FAT1: variants seen among roughly 807,000 people sequenced by gnomAD.
The protein encoded by FAT1 is protocadherin Fat 1.
FAT1 carries 171 observed loss-of-function variants against 329.8 expected under a neutral mutation model. The observed-to-expected ratio is 0.52, with a 90% CI of 0.46 to 0.59. The LOEUF is 0.59. FAT1 is among the 20% of genes least tolerant of loss of function. FAT1 has a pLI of 0.00. For synonymous variants in FAT1, 2,233 were observed against 2,228.6 expected (o/e 1.00, Z -0.06); for missense variants, 5,672 against 5,774.4 (o/e 0.98, Z 0.57).
At chr4:186,698,035 T>A (rs1244097112) in intron 2 of FAT1, among the ~76,000 whole-genome samples, 1 of 152,198 alleles carries the variant, frequency 6.6e-6, no homozygotes, top group Non-Finnish European at 1.5e-5. Flanking sequence ...AGCCTACAAA[T>A]AGGCGTCCAG....
Position 186,603,238 on chromosome 4 carries a change from CTG to C in FAT1, c.11286_11287del (p.His3762GlnfsTer33). ...AGTCACAAAACTCAGTCTGGCTGTGCTGTGTGTTGACATCACACTTTCATCCA... is the reference window on the plus strand; with the variant it reads ...AGTCACAAAACTCAGTCTGGCTGTGCTGTGTTGACATCACACTTTCATCCA... On this transcript the variant is annotated frameshift_variant, in exon 19 of 27. Coordinates refer to ENST00000441802, the MANE Select transcript of FAT1 (RefSeq NM_005245.4). LOFTEE classifies it high-confidence loss of function. 3 of 1,613,806 alleles carry C rather than the reference CTG, an allele frequency of 1.9e-6. No individual in the cohort carries two copies. The highest frequency in any genetic ancestry group is 2.5e-6 in the Non-Finnish European group (3 of 1,179,812).
intron 12 of FAT1, among the ~76,000 whole-genome samples, chr4:186,613,921 G>T (rs1367287986): frequency 6.7e-6 from 1 of 150,322 alleles, no homozygotes; most frequent in Admixed American, 6.6e-5. Context: ...TCTGAGGGTT[G>T]TTTTTTTTAA....
intron 3 of FAT1, among the ~76,000 whole-genome samples, chr4:186,648,007 T>C (rs114666597): frequency 2.4e-3 from 359 of 152,242 alleles, no homozygotes; most frequent in African/African-American, 8.1e-3. Flanking sequence ...TGGGTAACTT[T>C]TAGACAAGGA....
At chr4:186,703,940 T>C (rs1352737313) in intron 2 of FAT1, among the ~76,000 whole-genome samples, 1 of 152,276 alleles carries the variant, frequency 6.6e-6, no homozygotes, top group Non-Finnish European at 1.5e-5. Context: ...GTTTCTACAC[T>C]GTGATACCAA....
upstream of FAT1, among the ~76,000 whole-genome samples, chr4:186,724,848 A>G (rs1745662446): frequency 6.6e-6 from 1 of 152,200 alleles, no homozygotes; most frequent in Non-Finnish European, 1.5e-5. This position sits in a 1 kb window ranked among gnomAD's most constrained non-coding sequence, Gnocchi z 5.3. Flanking sequence ...CTGGGAAGAC[A>G]AAGAGATCCG....
At chr4:186,604,916 G>A (rs1435044816) in intron 17 of FAT1, among the ~76,000 whole-genome samples, 1 of 151,738 alleles carries the variant, frequency 6.6e-6, no homozygotes, top group Non-Finnish European at 1.5e-5. Context: ...AAGAGGACTG[G>A]AGGAGAAAAG....
rs765020187 is a variant in FAT1 at position 186,617,059 on chromosome 4, C to T, written c.9021G>A (p.Ala3007=). Residue 3007 remains alanine (A), a synonymous_variant, in exon 11 of 27, where the codon GCG becomes GCA. Coordinates refer to ENST00000441802, the MANE Select transcript of FAT1 (RefSeq NM_005245.4). The stretch of plus-strand genomic sequence containing the variant: ...CATCCAGAACTTTCACTTCAACTAT[C>T]GCTTTTGATGAGAAGGTGCCATCAG... ...TATDGTFSSK[A]IVEVKVLDAN... is the part of the protein sequence containing the mutation. 20 of 1,613,862 alleles carry T rather than the reference C, an allele frequency of 1.2e-5. No individual in the cohort carries two copies. Among genetic ancestry groups the T allele is most frequent in the African/African-American group, 8.0e-5 (6 of 74,930 alleles).
chr4:186,648,653 G>A (rs781616273), intron 3 of FAT1, among the ~76,000 whole-genome samples: 6 of 152,184 alleles, frequency 3.9e-5, no homozygotes, highest in African/African-American at 1.4e-4. Flanking sequence ...CTGAAGGTCT[G>A]AGTCAGCAGG....
intron 2 of FAT1, among the ~76,000 whole-genome samples, chr4:186,684,350 G>A (rs1743365847): frequency 6.6e-6 from 1 of 152,176 alleles, no homozygotes; most frequent in Non-Finnish European, 1.5e-5. Context: ...CTTCCGTGCT[G>A]GACCCTGGGA....
In FAT1 at chr4:186,596,402, G is replaced by C; in HGVS notation, c.13000+138C>G. 1.0e-6 allele frequency: 1 copy of C among 963,736 alleles called. No individual in the cohort carries two copies. The allele number at this position is 963,736 out of a possible 1,614,324, so 59.7% of individuals were successfully genotyped here. A position where few individuals can be genotyped will look rare whatever the true frequency, so the allele number is the denominator to read the frequency against. ...CCCAGCAATCGGGACATCCAAAAAA[G>C]TTTCAAATCATCATACGGATTTCAG... On this transcript the variant is annotated intron_variant, in intron 25 of 26. Coordinates refer to ENST00000441802, the MANE Select transcript of FAT1 (RefSeq NM_005245.4). The surrounding 1 kb of genome is among the most constrained non-coding windows in gnomAD (Gnocchi z 4.7).
At chr4:186,685,489 G>C (rs866409157) in intron 2 of FAT1, among the ~76,000 whole-genome samples, 3 of 152,166 alleles carry the variant, frequency 2.0e-5, no homozygotes, top group African/African-American at 7.2e-5. Context: ...GTGGCCTGGG[G>C]TTGCTTTAGT....
In FAT1 at chr4:186,600,115, C is replaced by T. The variant is rs1738725748; in HGVS notation, c.11886G>A (p.Arg3962=). The T allele has an allele frequency of 3.1e-6, 5 of 1,614,062 alleles. No individual in the cohort carries two copies. The highest frequency in any genetic ancestry group is 4.2e-6 in the Non-Finnish European group (5 of 1,179,902). Reference sequence around the variant, plus strand: ...TACCAACTTGAGGACTTCTTCCATGCCTTGTTCCCTGCTGACGGATGTGGC... The same window carrying T: ...TACCAACTTGAGGACTTCTTCCATGTCTTGTTCCCTGCTGACGGATGTGGC... ...FGGHIRQQGT[R]HGRSPQVGNG... Residue 3962 remains arginine (R), a synonymous_variant, in exon 22 of 27, where the codon AGG becomes AGA. Coordinates refer to ENST00000441802, the MANE Select transcript of FAT1 (RefSeq NM_005245.4).
chr4:186,629,589 C>T (rs952336756), intron 7 of FAT1, among the ~76,000 whole-genome samples: 4 of 152,134 alleles, frequency 2.6e-5, no homozygotes, highest in African/African-American at 4.8e-5. Context: ...AAGAAAACTG[C>T]GCTTCGTGGG....
intron 9 of FAT1, among the ~76,000 whole-genome samples, chr4:186,627,047 G>A (rs1740343820): frequency 2.1e-5 from 2 of 94,966 alleles, no homozygotes; most frequent in Admixed American, 1.2e-4. Flanking sequence ...GGACCAACAT[G>A]GCACCTGACA....
In FAT1 at chr4:186,693,427, G is replaced by C. The variant is rs138173414; in HGVS notation, c.3265+13136C>G. Among the ~76,000 whole-genome samples the C allele has an allele frequency of 4.3e-3, 449 of 104,908 alleles. 84 individuals carry two copies. Among genetic ancestry groups the C allele is most frequent in the African/African-American group, 0.018 (428 of 23,578 alleles). The allele number at this position is 104,908 out of a possible 152,430, so 68.8% of individuals were successfully genotyped here. The stretch of plus-strand genomic sequence containing the variant: ...TGACAGTGGAGGAGTTCTGAGCCTT[G>C]GCCCAGCGGATTTGCTGCTTTCCTC... On this transcript the variant is annotated intron_variant, in intron 2 of 26. Transcript: ENST00000441802.
intron 3 of FAT1, among the ~76,000 whole-genome samples, chr4:186,659,847 CA>C (rs1742083745): frequency 6.7e-6 from 1 of 148,200 alleles, no homozygotes; most frequent in Non-Finnish European, 1.5e-5. Flanking sequence ...TCTACACACA[CA>C]AGCCGGCTGT....
chr4:186,600,004 G>C lies in FAT1; in HGVS notation c.11997C>G (p.Ile3999Met), dbSNP rs188825200. ...LNSKPRSYAH[I>M]EESVDVSPGC... ...CTGGAGATACATCCACCGACTCTTCGATGTGTGCATAGCTTCTGGGTTTGC... is the reference window on the plus strand; with the variant it reads ...CTGGAGATACATCCACCGACTCTTCCATGTGTGCATAGCTTCTGGGTTTGC... The change falls in exon 22 of 27, where the codon ATC becomes ATG. Residue 3999 changes from isoleucine (I) to methionine (M), a missense_variant. Coordinates refer to ENST00000441802, the MANE Select transcript of FAT1 (RefSeq NM_005245.4). The C allele has an allele frequency of 3.1e-6, 5 of 1,613,952 alleles. No homozygotes were observed. Among genetic ancestry groups the C allele is most frequent in the South Asian group, 1.1e-5 (1 of 91,080 alleles).
rs76979052 is a variant in FAT1 at position 186,602,641 on chromosome 4, A to C, written c.11482+262T>G. ...GAATTTCCAGGAAAATTAAACTGCT[A>C]CATAATGGCACTGCGTTGTTAGCTG... is the stretch of plus-strand genomic sequence containing the variant. On this transcript the variant is annotated intron_variant, in intron 20 of 26. Transcript: ENST00000441802. 0.029 allele frequency among the ~76,000 whole-genome samples: 4,431 copies of C among 152,296 alleles called. 119 individuals are homozygous for C. The highest frequency in any genetic ancestry group is 0.076 in the African/African-American group (3,153 of 41,552).
At chr4:186,685,115 T>G (rs567268450) in intron 2 of FAT1, among the ~76,000 whole-genome samples, 57 of 152,200 alleles carry the variant, frequency 3.7e-4, no homozygotes, top group Non-Finnish European at 7.3e-4. Flanking sequence ...GGCGTTACTT[T>G]GATTCACCTC....
Sources: allele counts gnomAD v4.1 joint callset (sites outside exome capture counted in the v4.1 genomes callset), GRCh38; gene constraint gnomAD v4.1.1; non-coding constraint Gnocchi (gnomAD v3.1); transcripts MANE v1.5; gene names NCBI Gene and HGNC (gene_info 2026-07-23, HGNC 2026-07-21).